Variants in TIGAR observed in about 807,000 individuals in gnomAD.
TIGAR encodes the protein fructose-2,6-bisphosphatase TIGAR.
In TIGAR, 7 loss-of-function variants were observed where a neutral mutation model predicts 17.9. The observed-to-expected ratio is 0.39, with a 90% CI of 0.22 to 0.73. The LOEUF (loss-of-function observed/expected upper bound fraction) is 0.73, where lower values mean the gene tolerates loss of function less well. Ranked by LOEUF, TIGAR falls within the 30% of genes least tolerant of loss-of-function variation. TIGAR has a pLI of 0.42. For synonymous variants in TIGAR, 94 were observed against 108.6 expected (o/e 0.87, Z 0.84); for missense variants, 258 against 327.4 (o/e 0.79, Z 1.64).
At chr12:4,329,354 T>TG (rs1864580103) in intron 1 of TIGAR, among the ~76,000 whole-genome samples, 1 of 100,844 alleles carries the variant, frequency 9.9e-6, no homozygotes, top group Non-Finnish European at 2.0e-5. Flanking sequence ...TTTTTTTTTT[T>TG]GTGAGACAGG....
chr12:4,341,088 C>G (rs910213504), intron 3 of TIGAR, among the ~76,000 whole-genome samples: 1 of 152,122 alleles, frequency 6.6e-6, no homozygotes, highest in African/African-American at 2.4e-5. Context: ...AAACAATCAA[C>G]AAAGTGAAGA....
At chr12:4,324,803 C>T (rs986656087) in intron 1 of TIGAR, 6 of 611,196 alleles carry the variant, frequency 9.8e-6, no homozygotes, top group Non-Finnish European at 1.8e-5. Context: ...TCTGCTCTAC[C>T]TCGGCCATCT....
chr12:4,346,935 G>A (rs1299295482), intron 3 of TIGAR, among the ~76,000 whole-genome samples: 1 of 152,148 alleles, frequency 6.6e-6, no homozygotes, highest in African/African-American at 2.4e-5. Flanking sequence ...GGGAACACTT[G>A]TATGCTGTTG....
At chr12:4,345,675 A>G (rs368609036) in intron 3 of TIGAR, among the ~76,000 whole-genome samples, 56 of 152,302 alleles carry the variant, frequency 3.7e-4, no homozygotes, top group African/African-American at 1.1e-3. Context: ...AACCTAGGCA[A>G]TACCATTCAG....
chr12:4,350,410 A>G (rs1229167131), intron 4 of TIGAR, among the ~76,000 whole-genome samples: 1 of 152,208 alleles, frequency 6.6e-6, no homozygotes, highest in East Asian at 1.9e-4. Context: ...ATGACCTAGG[A>G]GAAAGTTTTG....
intron 1 of TIGAR, chr12:4,324,646 G>C (rs1378726237): frequency 2.2e-6 from 3 of 1,357,148 alleles, no homozygotes; most frequent in Admixed American, 2.0e-5. Flanking sequence ...CTTCAGCAGC[G>C]AGTTCTGTTT....
At chr12:4,337,988 A>G (rs971189897) in intron 3 of TIGAR, among the ~76,000 whole-genome samples, 4 of 152,054 alleles carry the variant, frequency 2.6e-5, no homozygotes, top group Non-Finnish European at 4.4e-5. Context: ...AAAATTAGCC[A>G]GGTGTGGTGG....
chr12:4,347,547 T>C (rs1213066331), intron 3 of TIGAR, among the ~76,000 whole-genome samples: 1 of 152,180 alleles, frequency 6.6e-6, no homozygotes, highest in Non-Finnish European at 1.5e-5. Context: ...ACTAAAAGGA[T>C]ATAATTGGAT....
chr12:4,331,457 C>A, intron 2 of TIGAR, 140 bp downstream of exon 2: 3 of 790,396 alleles, frequency 3.8e-6, no homozygotes, highest in East Asian at 2.5e-5. Flanking sequence ...GCATCATAAC[C>A]ACAGAAATAT....
At chr12:4,339,600 A>T (rs1345822820) in intron 3 of TIGAR, among the ~76,000 whole-genome samples, 2 of 152,204 alleles carry the variant, frequency 1.3e-5, no homozygotes, top group African/African-American at 2.4e-5. Context: ...AAAAGAAGAA[A>T]ACTACAGGCC....
chr12:4,326,808 T>C (rs950200506), intron 1 of TIGAR, among the ~76,000 whole-genome samples: 1 of 152,216 alleles, frequency 6.6e-6, no homozygotes, highest in South Asian at 2.1e-4. Context: ...TCAGCAAGTA[T>C]ACAAAAAGTA....
rs944789380 is a variant in TIGAR, at chr12:4,352,818, A to C, written c.*127A>C. On this transcript the variant is annotated 3_prime_UTR_variant, in exon 6 of 6. Transcript: ENST00000179259. ...AAAAGCCAATTTTTAGCTCCAGTGG[A>C]ACCATAGCCACATAAAACTTTAATG... The C allele has an allele frequency of 2.5e-5, 20 of 794,484 alleles. No homozygotes were observed. The highest frequency in any genetic ancestry group is 3.5e-5 in the Non-Finnish European group (18 of 514,472). 49.2% of individuals were successfully genotyped at this position (794,484 alleles called of 1,614,324 possible). A position where few individuals can be genotyped will look rare whatever the true frequency, so the allele number is the denominator to read the frequency against.
chr12:4,332,073 C>T (rs543812732), intron 2 of TIGAR, among the ~76,000 whole-genome samples: 1 of 152,060 alleles, frequency 6.6e-6, no homozygotes, highest in East Asian at 1.9e-4. Flanking sequence ...GGACTGAAGC[C>T]TCTTACCACC....
At chr12:4,334,459 TGGGG>T (rs1864637267) in intron 2 of TIGAR, among the ~76,000 whole-genome samples, 1 of 152,180 alleles carries the variant, frequency 6.6e-6, no homozygotes, top group Non-Finnish European at 1.5e-5. Context: ...ATTTGAATTT[TGGGG>T]GGACACATTT....
intron 1 of TIGAR, among the ~76,000 whole-genome samples, chr12:4,326,448 G>T (rs950132252): frequency 1.3e-5 from 2 of 152,166 alleles, no homozygotes; most frequent in Non-Finnish European, 1.5e-5. Flanking sequence ...AAATATTTAT[G>T]AAAGCTTTTG....
chr12:4,328,296 A>C (rs557897230), intron 1 of TIGAR, among the ~76,000 whole-genome samples: 2 of 151,810 alleles, frequency 1.3e-5, no homozygotes, highest in African/African-American at 4.8e-5. Flanking sequence ...GGTTCAAGTC[A>C]TTCTCCTGCC....
chr12:4,337,039 G>T lies in TIGAR; in HGVS notation c.71G>T (p.Gly24Val). Residue 24 changes from glycine to valine, a missense_variant and splice_region_variant, in exon 3 of 6, where the codon GGA becomes GTA. By Grantham distance (109) the Gly-to-Val change is moderately radical. Transcript: ENST00000179259. The part of the protein sequence containing the change: ...TRFNKEKIIQ[G>V]QGVDEPLSET... ...TGTTCCTCTTCTTAATATATCACAG[G>T]ACAAGGAGTAGATGAACCTCTTTCA... 6.2e-7 allele frequency: 1 copy of T among 1,605,258 alleles called. No individual in the cohort carries two copies. Among genetic ancestry groups the T allele is most frequent in the Non-Finnish European group, 8.5e-7 (1 of 1,172,614 alleles).
At chr12:4,322,694 G>C (rs1242546330) in intron 1 of TIGAR, among the ~76,000 whole-genome samples, 3 of 152,102 alleles carry the variant, frequency 2.0e-5, no homozygotes, top group Non-Finnish European at 4.4e-5. Flanking sequence ...ATCTTTTCTG[G>C]CCTGTCCTTC....
rs752563495 is a variant in TIGAR, at chr12:4,331,284, G to C, written c.37G>C (p.Glu13Gln). 1.9e-6 allele frequency: 3 copies of C among 1,609,468 alleles called. No individual in the cohort carries two copies. In the African/African-American group the frequency reaches 4.0e-5, roughly 22 times the overall value. Residue 13 changes from glutamate to glutamine, a missense_variant, in exon 2 of 6, where the codon GAA (glutamate) becomes CAA (glutamine). Transcript: ENST00000179259. ...RFALTVVRHG[E>Q]TRFNKEKIIQ... The stretch of plus-strand genomic sequence containing the variant: ...GTCCTTCTCTTTCTATTTTAGTGGA[G>C]AAACAAGATTTAACAAGGAGAAAAT...
Sources: gnomAD v4.1 joint callset for allele counts (sites outside exome capture counted in the v4.1 genomes callset) on GRCh38, gnomAD v4.1.1 for gene constraint, MANE v1.5 for transcripts, NCBI Gene and HGNC (gene_info 2026-07-23, HGNC 2026-07-21) for gene names.